FHIP1A: variants seen among roughly 807,000 people sequenced by gnomAD.
FHIP1A encodes FHF complex subunit HOOK-interacting protein 1A.
In FHIP1A, 61 loss-of-function variants were observed where a neutral mutation model predicts 88.6. The observed-to-expected ratio is 0.69, with a 90% CI of 0.56 to 0.85. The LOEUF (loss-of-function observed/expected upper bound fraction) is 0.85. Ranked by LOEUF, FHIP1A falls within the 40% of genes least tolerant of loss-of-function variation. FHIP1A has a pLI of 0.00. For missense variants in FHIP1A, 1,154 were observed against 1,273.5 expected (o/e 0.91, Z 1.43); for synonymous variants, 478 against 496.0 (o/e 0.96, Z 0.48).
intron 8 of FHIP1A, among the ~76,000 whole-genome samples, chr4:151,632,469 C>T (rs551750827): frequency 1.3e-5 from 2 of 152,034 alleles, no homozygotes; most frequent in South Asian, 4.1e-4. Flanking sequence ...TTGAACAACA[C>T]TGTAAACCAA....
chr4:151,434,066 A>G (rs1733705914), intron 1 of FHIP1A, among the ~76,000 whole-genome samples: 1 of 152,174 alleles, frequency 6.6e-6, no homozygotes, highest in Admixed American at 6.6e-5. Context: ...TATATAACTA[A>G]TCATGTTTAC....
intron 5 of FHIP1A, among the ~76,000 whole-genome samples, chr4:151,579,413 C>T (rs1733939373): frequency 6.6e-6 from 1 of 152,100 alleles, no homozygotes; most frequent in Non-Finnish European, 1.5e-5. Context: ...TTAAACTGCT[C>T]TAAAGAAAAC....
At chr4:151,492,134 A>G (rs1730304612) in intron 3 of FHIP1A, among the ~76,000 whole-genome samples, 1 of 148,820 alleles carries the variant, frequency 6.7e-6, no homozygotes, top group Non-Finnish European at 1.5e-5. Flanking sequence ...GTCTTAAACT[A>G]TACCGTAGAA....
intron 3 of FHIP1A, among the ~76,000 whole-genome samples, chr4:151,564,322 G>C (rs1733295327): frequency 6.6e-6 from 1 of 152,142 alleles, no homozygotes; most frequent in Non-Finnish European, 1.5e-5. Context: ...TAAATGAAAG[G>C]CCTTGACATT....
intron 1 of FHIP1A, among the ~76,000 whole-genome samples, chr4:151,442,366 C>T (rs1277228941): frequency 6.6e-6 from 1 of 152,082 alleles, no homozygotes; most frequent in Non-Finnish European, 1.5e-5. Flanking sequence ...ACCCCCCAAA[C>T]CTTAAAAATG....
At chr4:151,495,742 G>A (rs1187861145) in intron 3 of FHIP1A, among the ~76,000 whole-genome samples, 1 of 149,868 alleles carries the variant, frequency 6.7e-6, no homozygotes, top group Non-Finnish European at 1.5e-5. Context: ...TCCTGCTTCA[G>A]CTTCCCAAGT....
intron 3 of FHIP1A, among the ~76,000 whole-genome samples, chr4:151,490,879 G>A (rs1027092441): frequency 5.3e-5 from 8 of 151,896 alleles, no homozygotes; most frequent in African/African-American, 2.4e-5. Flanking sequence ...CAGTAGAATC[G>A]AACAAGTAGA....
At position 151,658,175 on chromosome 4, in the gene FHIP1A, G is replaced by A. The variant is rs137880946; in HGVS notation, c.2869+1277G>A. Among the ~76,000 whole-genome samples the A allele has an allele frequency of 4.2e-3, 635 of 152,322 alleles. 5 individuals are homozygous for A. Among genetic ancestry groups the A allele is most frequent in the African/African-American group, 0.014 (598 of 41,568 alleles). On this transcript the variant is annotated intron_variant, in intron 13 of 13. Coordinates refer to ENST00000435205, the MANE Select transcript of FHIP1A (RefSeq NM_001109977.3). ...CTCCTTAGACACATGGGTGGTAAGT[G>A]TGTGACCTGTGTTCCTCCTGAACAG... is the stretch of plus-strand genomic sequence containing the variant.
At chr4:151,625,668 A>G (rs1032728530) in intron 7 of FHIP1A, among the ~76,000 whole-genome samples, 11 of 152,178 alleles carry the variant, frequency 7.2e-5, no homozygotes, top group African/African-American at 2.7e-4. Flanking sequence ...TTGGTTTTAT[A>G]GAAGTAGAAT....
chr4:151,590,990 C>G (rs892025417), intron 7 of FHIP1A, among the ~76,000 whole-genome samples: 1 of 152,046 alleles, frequency 6.6e-6, no homozygotes, highest in East Asian at 1.9e-4. Context: ...CCATTGCAGA[C>G]AATTTGTCTC....
At chr4:151,625,096 C>T (rs1735904284) in intron 7 of FHIP1A, among the ~76,000 whole-genome samples, 1 of 152,114 alleles carries the variant, frequency 6.6e-6, no homozygotes, top group Admixed American at 6.5e-5. Flanking sequence ...CTGGCAGCAG[C>T]GGGTAGGCTC....
At chr4:151,489,293 C>T (rs539821161) in intron 3 of FHIP1A, among the ~76,000 whole-genome samples, 76 of 152,272 alleles carry the variant, frequency 5.0e-4, no homozygotes, top group African/African-American at 1.8e-3. Flanking sequence ...TCCAGGTCCC[C>T]AGCTAGAGTC....
At chr4:151,577,383 A>G in intron 4 of FHIP1A, 67 bp from the exon 5 acceptor site, 3 of 1,422,768 alleles carry the variant, frequency 2.1e-6, no homozygotes, top group Non-Finnish European at 2.8e-6. Context: ...TGGTAAAATC[A>G]GTGGTGATAT....
At chr4:151,563,265 C>T (rs1296532711) in intron 3 of FHIP1A, among the ~76,000 whole-genome samples, 2 of 152,128 alleles carry the variant, frequency 1.3e-5, no homozygotes, top group Admixed American at 6.5e-5. Flanking sequence ...AAAAACTCAA[C>T]CACACCACAC....
At chr4:151,412,620 C>CTCCA in intron 1 of FHIP1A, among the ~76,000 whole-genome samples, 1 of 128,324 alleles carries the variant, frequency 7.8e-6, no homozygotes, top group Non-Finnish European at 1.7e-5. Flanking sequence ...TCCTCCCTCC[C>CTCCA]TCCCTCCCTC....
At chr4:151,623,455 C>T (rs140011278) in intron 7 of FHIP1A, among the ~76,000 whole-genome samples, 100 of 150,620 alleles carry the variant, frequency 6.6e-4, no homozygotes, top group African/African-American at 2.2e-3. Flanking sequence ...CCTCCACCCC[C>T]GAAAATATGT....
chr4:151,410,360 A>G (rs1195367883), intron 1 of FHIP1A, among the ~76,000 whole-genome samples: 4 of 152,204 alleles, frequency 2.6e-5, no homozygotes, highest in African/African-American at 7.2e-5. Flanking sequence ...GGAGTAAACA[A>G]TGCCTAACAA....
rs139436556 is a variant in FHIP1A at position 151,442,175 on chromosome 4, A to G, written c.-355-12526A>G. On this transcript the variant is annotated intron_variant, in intron 1 of 13. Coordinates refer to ENST00000435205, the MANE Select transcript of FHIP1A (RefSeq NM_001109977.3). ...GACAGAATGACAGGCAGTGGGAGCCAAGATTATGTGCCGCGTGGCTGATTG... is the reference window on the plus strand; with the variant it reads ...GACAGAATGACAGGCAGTGGGAGCCGAGATTATGTGCCGCGTGGCTGATTG... Among the ~76,000 whole-genome samples the G allele has an allele frequency of 4.6e-3, 704 of 152,232 alleles. 3 individuals carry two copies. The highest frequency in any genetic ancestry group is 0.016 in the African/African-American group (658 of 41,544).
chr4:151,433,629 G>A (rs1483853835), intron 1 of FHIP1A, among the ~76,000 whole-genome samples: 1 of 152,254 alleles, frequency 6.6e-6, no homozygotes, highest in Non-Finnish European at 1.5e-5. Flanking sequence ...GGGCATGGGA[G>A]TGGAGGCTGT....
Sources: gnomAD v4.1 joint callset for allele counts (sites outside exome capture counted in the v4.1 genomes callset) on GRCh38, gnomAD v4.1.1 for gene constraint, MANE v1.5 for transcripts, NCBI Gene and HGNC (gene_info 2026-07-23, HGNC 2026-07-21) for gene names.